ACER2: variants seen among roughly 807,000 people sequenced by gnomAD.
ACER2 encodes alkCDase 2.
Under a neutral mutation model 34.7 loss-of-function variants are expected in ACER2, and 26 were observed. That is an observed-to-expected ratio of 0.75 (90% confidence interval 0.55 to 1.04). The LOEUF is 1.04. Ranked by LOEUF, ACER2 falls within the 50% of genes least tolerant of loss-of-function variation. The pLI is 0.00. For missense variants in ACER2, 352 were observed against 340.8 expected (o/e 1.03, Z -0.26); for synonymous variants, 138 against 132.1 (o/e 1.04, Z -0.31).
intron 1 of ACER2, among the ~76,000 whole-genome samples, chr9:19,414,333 G>A (rs557084804): frequency 2.6e-5 from 4 of 152,308 alleles, no homozygotes; most frequent in East Asian, 3.9e-4. Flanking sequence ...TCCAGAATAT[G>A]TACAGCCTGT....
In ACER2 at chr9:19,430,818, GGT is replaced by G. The variant is rs372931038; in HGVS notation, c.366-4127_366-4126del. 7.4e-4 allele frequency among the ~76,000 whole-genome samples: 112 copies of G among 151,970 alleles called. 2 individuals carry two copies. In the South Asian group the frequency reaches 0.022, roughly 30 times the overall value. On this transcript the variant is annotated intron_variant, in intron 3 of 5. Coordinates refer to ENST00000340967, the MANE Select transcript of ACER2 (RefSeq NM_001010887.3). ...ACTAAAAATACATAAATTAGCTTAG[GGT>G]GGTGGCAGGTGCCTGTAATCCCAGC... is the stretch of plus-strand genomic sequence containing the variant.
At chr9:19,446,450 G>A (rs1563892791) in intron 5 of ACER2, 32 bp downstream of exon 5, 1 of 1,613,724 alleles carries the variant, frequency 6.2e-7, no homozygotes, top group East Asian at 2.2e-5. Context: ...GGTGGCCGGG[G>A]ACAGGTGTGT....
chr9:19,414,778 G>A (rs936216614), intron 1 of ACER2, among the ~76,000 whole-genome samples: 5 of 151,612 alleles, frequency 3.3e-5, no homozygotes, highest in Admixed American at 1.3e-4. Flanking sequence ...CTTGAGAGGC[G>A]GAGCATGCAG....
At chr9:19,442,885 T>C (rs976388402) in intron 4 of ACER2, among the ~76,000 whole-genome samples, 3 of 151,376 alleles carry the variant, frequency 2.0e-5, no homozygotes, top group Non-Finnish European at 2.9e-5. Context: ...CAGGCTGGAG[T>C]GCGGTGGCAC....
intron 3 of ACER2, among the ~76,000 whole-genome samples, chr9:19,429,565 C>G (rs1337920459): frequency 6.6e-6 from 1 of 152,148 alleles, no homozygotes; most frequent in Non-Finnish European, 1.5e-5. Context: ...CTCCTGGGCT[C>G]AAGAGATACT....
intron 3 of ACER2, among the ~76,000 whole-genome samples, chr9:19,427,250 G>T (rs1053340755): frequency 6.6e-6 from 1 of 152,246 alleles, no homozygotes; most frequent in Admixed American, 6.5e-5. Context: ...ACTGCCTGGG[G>T]CATGGAGAGG....
chr9:19,424,908 T>C, intron 3 of ACER2, 67 bp downstream of exon 3: 1 of 1,578,008 alleles, frequency 6.3e-7, no homozygotes, highest in Non-Finnish European at 8.6e-7. Context: ...AATGTATATA[T>C]GAAGAAAAAT....
At chr9:19,434,584 AAC>A (rs1459543534) in intron 3 of ACER2, among the ~76,000 whole-genome samples, 3 of 152,264 alleles carry the variant, frequency 2.0e-5, no homozygotes, top group African/African-American at 7.2e-5. Flanking sequence ...CAGCCTGGCC[AAC>A]ACAGCGAAAC....
intron 4 of ACER2, among the ~76,000 whole-genome samples, chr9:19,437,450 C>T (rs948042818): frequency 6.6e-6 from 1 of 152,174 alleles, no homozygotes; most frequent in Non-Finnish European, 1.5e-5. Context: ...TCACCTCCTC[C>T]CATATCCATT....
At chr9:19,446,021 T>A (rs1430261189) in intron 4 of ACER2, among the ~76,000 whole-genome samples, 1 of 152,104 alleles carries the variant, frequency 6.6e-6, no homozygotes, top group Non-Finnish European at 1.5e-5. Flanking sequence ...CATATTAGGG[T>A]GCTCGTGTCA....
At chr9:19,435,825 G>A (rs571757817) in intron 4 of ACER2, among the ~76,000 whole-genome samples, 11 of 151,644 alleles carry the variant, frequency 7.3e-5, no homozygotes, top group African/African-American at 1.2e-4. Context: ...CGAGGAGGGC[G>A]GATCACGAGG....
intron 5 of ACER2, among the ~76,000 whole-genome samples, chr9:19,449,506 T>C (rs1053688226): frequency 2.6e-5 from 4 of 152,246 alleles, no homozygotes; most frequent in Non-Finnish European, 4.4e-5. Flanking sequence ...TATTGTCACA[T>C]CTGTTAATCT....
At chr9:19,412,510 T>C (rs1830114197) in intron 1 of ACER2, among the ~76,000 whole-genome samples, 1 of 151,800 alleles carries the variant, frequency 6.6e-6, no homozygotes, top group Admixed American at 6.6e-5. Flanking sequence ...AAAATTTAGC[T>C]GGTTGTGGTG....
chr9:19,450,361 T>C, intron 5 of ACER2, 89 bp from the exon 6 acceptor site: 6 of 1,424,768 alleles, frequency 4.2e-6, no homozygotes, highest in Non-Finnish European at 5.6e-6. Flanking sequence ...GCAAGGTGCG[T>C]GGGTTAGACC....
intron 3 of ACER2, among the ~76,000 whole-genome samples, chr9:19,426,034 A>G (rs1208373512): frequency 1.3e-5 from 2 of 152,160 alleles, no homozygotes; most frequent in Non-Finnish European, 2.9e-5. Flanking sequence ...CAAGGGGCAC[A>G]TTATATAATT....
At position 19,446,271 on chromosome 9, in the gene ACER2, C is replaced by A; in HGVS notation, c.504-10C>A. On this transcript the variant is annotated splice_polypyrimidine_tract_variant and intron_variant, in intron 4 of 5. Transcript: ENST00000340967. Reference sequence around the variant, plus strand: ...TCTGACGATGAGTGACTCTCTGGACCCCCGTGCAGGTGTGACAACATGCGT... The same window carrying A: ...TCTGACGATGAGTGACTCTCTGGACACCCGTGCAGGTGTGACAACATGCGT... 6.2e-7 allele frequency: 1 copy of A among 1,614,080 alleles called. No homozygotes were observed. Among genetic ancestry groups the A allele is most frequent in the Admixed American group, 1.7e-5 (1 of 60,016 alleles).
Position 19,450,403 on chromosome 9 carries a change from G to A in ACER2, c.642-47G>A, listed in dbSNP as rs369174068. The A allele has an allele frequency of 1.1e-4, 164 of 1,508,174 alleles. No homozygotes were observed. The Middle Eastern group carries it at 1.4e-3, about 13-fold the overall frequency. The allele number at this position is 1,508,174 out of a possible 1,614,324, so 93.4% of individuals were successfully genotyped here. On this transcript the variant is annotated intron_variant, in intron 5 of 5. Coordinates refer to ENST00000340967, the MANE Select transcript of ACER2 (RefSeq NM_001010887.3). ...AGGAGCAGGCTAAACTCAGGGCAGC[G>A]GAGTCTTCATGCTCATCAGGTTCTC...
At chr9:19,446,717 C>G in intron 5 of ACER2, 1 of 838,450 alleles carries the variant, frequency 1.2e-6, no homozygotes, top group South Asian at 5.5e-5. Context: ...GAACCTGTAA[C>G]CTGAGCTCTA....
rs1831577426 is a variant in ACER2, at chr9:19,451,758, A to C, written c.*1122A>C. The C allele has an allele frequency of 6.6e-6, 1 of 152,166 alleles. No homozygotes were observed. Among genetic ancestry groups the C allele is most frequent in the African/African-American group, 2.4e-5 (1 of 41,420 alleles). 9.4% of individuals were successfully genotyped at this position (152,166 alleles called of 1,614,324 possible). On this transcript the variant is annotated 3_prime_UTR_variant, in exon 6 of 6. Coordinates refer to ENST00000340967, the MANE Select transcript of ACER2 (RefSeq NM_001010887.3). Reference sequence around the variant, plus strand: ...CAATTGTGGTGGGGGTTCTGGTTCAAAATTTGGAGCAAACATGAAGTTTTT... The same window carrying C: ...CAATTGTGGTGGGGGTTCTGGTTCACAATTTGGAGCAAACATGAAGTTTTT...
Sources: gnomAD v4.1 joint callset for allele counts (sites outside exome capture counted in the v4.1 genomes callset) on GRCh38, gnomAD v4.1.1 for gene constraint, MANE v1.5 for transcripts, NCBI Gene and HGNC (gene_info 2026-07-23, HGNC 2026-07-21) for gene names.